BTBD16: variants seen among roughly 807,000 people sequenced by gnomAD.
BTBD16 encodes the protein BTB/POZ domain-containing protein 16.
In BTBD16, 66 loss-of-function variants were observed where a neutral mutation model predicts 67.4. That is an observed-to-expected ratio of 0.98 (90% CI 0.80 to 1.20). The LOEUF (loss-of-function observed/expected upper bound fraction) is 1.20, where lower values mean the gene tolerates loss of function less well. BTBD16 is among the 50% of genes most tolerant of loss of function. BTBD16 has a pLI of 0.00. For synonymous variants in BTBD16, 242 were observed against 236.4 expected (o/e 1.02, Z -0.22); for missense variants, 634 against 616.0 (o/e 1.03, Z -0.31).
intron 12 of BTBD16, chr10:122,331,899 G>C (rs916906274): frequency 5.1e-5 from 8 of 155,794 alleles, no homozygotes; most frequent in African/African-American, 1.7e-4. Flanking sequence ...TCCGTGGAAG[G>C]AGGTGCTTTT....
chr10:122,291,148 G>T lies in BTBD16; in HGVS notation c.544G>T (p.Val182Leu). ...GATTAACTTGGAAGACCTACTGGGAGTGCTGGCTTCCGCCCACATCCTCCA... is the reference window on the plus strand; with the variant it reads ...GATTAACTTGGAAGACCTACTGGGATTGCTGGCTTCCGCCCACATCCTCCA... Reference protein sequence around the residue: ...VEINLEDLLGVLASAHILQFS... With the variant: ...VEINLEDLLGLLASAHILQFS... The change falls in exon 7 of 16, where the codon GTG (valine) becomes TTG (leucine). Residue 182 changes from valine to leucine, a missense_variant. Physicochemically the swap from Val to Leu is conservative, Grantham distance 32. Coordinates refer to ENST00000260723, the MANE Select transcript of BTBD16 (RefSeq NM_144587.5). The T allele has an allele frequency of 1.9e-6, 3 of 1,613,922 alleles. No homozygotes were observed. The highest frequency in any genetic ancestry group is 2.2e-5 in the South Asian group (2 of 90,982).
At chr10:122,333,045 T>C in intron 13 of BTBD16, 1 of 780,320 alleles carries the variant, frequency 1.3e-6, no homozygotes, top group Non-Finnish European at 1.6e-6. Context: ...GTAGCTGTGC[T>C]CCATGCTGGG....
chr10:122,334,344 C>T (rs566243702), intron 13 of BTBD16, among the ~76,000 whole-genome samples: 18 of 151,034 alleles, frequency 1.2e-4, no homozygotes, highest in South Asian at 6.3e-4. Context: ...TACAGGCGCC[C>T]GCCACCACGC....
chr10:122,298,733 G>A (rs1006299150), intron 8 of BTBD16, among the ~76,000 whole-genome samples: 2 of 152,152 alleles, frequency 1.3e-5, no homozygotes, highest in Non-Finnish European at 2.9e-5. Flanking sequence ...GAACCTGGGA[G>A]CGTCAGTTTC....
Position 122,273,881 on chromosome 10 carries a change from G to A in BTBD16, c.-42-1159G>A, listed in dbSNP as rs112189386. On this transcript the variant is annotated intron_variant, in intron 1 of 15. Coordinates refer to ENST00000260723, the MANE Select transcript of BTBD16 (RefSeq NM_144587.5). Reference sequence around the variant, plus strand: ...AAAGTCCAATTAAGGCAATTAAAAGGCAAAGAAAAACCTGTCTGCCCAAGT... The same window carrying A: ...AAAGTCCAATTAAGGCAATTAAAAGACAAAGAAAAACCTGTCTGCCCAAGT... Among the ~76,000 whole-genome samples the A allele has an allele frequency of 6.6e-5, 10 of 152,300 alleles. 2 individuals carry two copies. The highest frequency in any genetic ancestry group is 2.4e-4 in the African/African-American group (10 of 41,576).
At chr10:122,306,850 T>C (rs1372870777) in intron 9 of BTBD16, among the ~76,000 whole-genome samples, 1 of 152,180 alleles carries the variant, frequency 6.6e-6, no homozygotes, top group Non-Finnish European at 1.5e-5. Flanking sequence ...CTTTGCAGGA[T>C]GGTTGTGTGG....
At chr10:122,308,635 C>T (rs950715636) in intron 10 of BTBD16, among the ~76,000 whole-genome samples, 3 of 152,144 alleles carry the variant, frequency 2.0e-5, no homozygotes, top group African/African-American at 7.2e-5. Context: ...TGGCCCTCTC[C>T]TTTCTCCAGC....
intron 10 of BTBD16, among the ~76,000 whole-genome samples, chr10:122,309,751 G>A (rs2096410354): frequency 6.6e-6 from 1 of 150,764 alleles, no homozygotes; most frequent in African/African-American, 2.4e-5. Context: ...GGGATTACAA[G>A]CATGAGCCAC....
At chr10:122,299,156 G>A in intron 9 of BTBD16, 22 bp downstream of exon 9, 1 of 1,611,608 alleles carries the variant, frequency 6.2e-7, no homozygotes, top group South Asian at 1.1e-5. Flanking sequence ...CTCCCAGGGT[G>A]CGGCCCCTGA....
At chr10:122,286,906 C>T (rs192552313) in intron 5 of BTBD16, among the ~76,000 whole-genome samples, 13 of 152,292 alleles carry the variant, frequency 8.5e-5, no homozygotes, top group Non-Finnish European at 1.6e-4. Flanking sequence ...GTTGGCATCC[C>T]CTCGGGCTGA....
chr10:122,299,134 G>T lies in BTBD16; in HGVS notation c.791G>T (p.Arg264Met). ...CTCCACAAAGTGCTGAAGTCCCCCA[G>T]GTCAGAGCTGGCTCCCAGGGTGCGG... ...DLLHKVLKSPRLFTFSEFHLL... is the reference protein window; with the variant it reads ...DLLHKVLKSPMLFTFSEFHLL... Residue 264 changes from arginine (R) to methionine (M), a missense_variant and splice_region_variant, in exon 9 of 16, where the codon AGG becomes ATG. Transcript: ENST00000260723. 1 of 1,613,528 alleles carries T rather than the reference G, an allele frequency of 6.2e-7. No individual in the cohort carries two copies. Among genetic ancestry groups the T allele is most frequent in the Non-Finnish European group, 8.5e-7 (1 of 1,179,878 alleles).
chr10:122,287,834 C>G (rs1194470510), intron 5 of BTBD16, among the ~76,000 whole-genome samples: 1 of 152,166 alleles, frequency 6.6e-6, no homozygotes, highest in African/African-American at 2.4e-5. Flanking sequence ...CGTGTTTATT[C>G]TCTAGCGTGG....
chr10:122,301,768 G>T (rs559406608), intron 9 of BTBD16, among the ~76,000 whole-genome samples: 24 of 152,268 alleles, frequency 1.6e-4, no homozygotes, highest in African/African-American at 5.3e-4. Context: ...TGTGCTGTGT[G>T]CTATGTGCAC....
At chr10:122,284,188 C>A (rs1235500463) in intron 4 of BTBD16, among the ~76,000 whole-genome samples, 2 of 152,134 alleles carry the variant, frequency 1.3e-5, no homozygotes, top group Non-Finnish European at 1.5e-5. Context: ...ATAAATAGCC[C>A]ACACCTGTAA....
At chr10:122,295,675 A>G (rs1166188350) in intron 7 of BTBD16, among the ~76,000 whole-genome samples, 1 of 152,152 alleles carries the variant, frequency 6.6e-6, no homozygotes, top group African/African-American at 2.4e-5. Flanking sequence ...GAGACAGCCA[A>G]GATGCAGGAT....
rs1247074572 is a variant in BTBD16 at position 122,283,714 on chromosome 10, ACT to A, written c.168-134_168-133del. 6.3e-5 allele frequency: 42 copies of A among 667,700 alleles called. No individual in the cohort carries two copies. The Middle Eastern group carries it at 1.2e-3, about 20-fold the overall frequency. The allele number at this position is 667,700 out of a possible 1,614,324, so 41.4% of individuals were successfully genotyped here. A position where few individuals can be genotyped will look rare whatever the true frequency, so the allele number is the denominator to read the frequency against. ...GATCGGCAAATGGTGACCTGAGGAA[ACT>A]CTTCCAAAGGGCGAGATATGATTAG... On this transcript the variant is annotated intron_variant, in intron 3 of 15. Coordinates refer to ENST00000260723, the MANE Select transcript of BTBD16 (RefSeq NM_144587.5).
intron 10 of BTBD16, among the ~76,000 whole-genome samples, chr10:122,314,975 G>A (rs369433797): frequency 5.3e-5 from 8 of 152,024 alleles, no homozygotes; most frequent in African/African-American, 1.2e-4. Flanking sequence ...CAAGGAAAAA[G>A]CTTTCAGTAA....
chr10:122,304,919 G>A (rs898408353), intron 9 of BTBD16, among the ~76,000 whole-genome samples: 2 of 152,176 alleles, frequency 1.3e-5, no homozygotes, highest in Admixed American at 1.3e-4. Context: ...GTACTGCACA[G>A]GCTCTGGAGC....
chr10:122,320,058 A>G (rs2096432829), intron 10 of BTBD16, among the ~76,000 whole-genome samples: 1 of 152,116 alleles, frequency 6.6e-6, no homozygotes, highest in Non-Finnish European at 1.5e-5. Flanking sequence ...TTTGTATTAT[A>G]CAACCTTAGT....
Sources: allele counts gnomAD v4.1 joint callset (sites outside exome capture counted in the v4.1 genomes callset), GRCh38; gene constraint gnomAD v4.1.1; transcripts MANE v1.5; gene names NCBI Gene and HGNC (gene_info 2026-07-23, HGNC 2026-07-21).